GATM: variants seen among roughly 807,000 people sequenced by gnomAD.
GATM encodes glycine amidinotransferase.
Under a neutral mutation model 54.2 loss-of-function variants are expected in GATM, and 23 were observed. The observed-to-expected ratio is 0.42, with a 90% CI of 0.31 to 0.60. The LOEUF (loss-of-function observed/expected upper bound fraction) is 0.60. Among genes scored for constraint, GATM ranks in the 20% least tolerant of loss-of-function variants. GATM has a pLI of 0.14. For synonymous variants in GATM, 168 were observed against 183.1 expected (o/e 0.92, Z 0.67); for missense variants, 401 against 544.9 (o/e 0.74, Z 2.63).
chr15:45,395,936 A>G (rs1407346785), intron 3 of GATM, among the ~76,000 whole-genome samples: 1 of 152,204 alleles, frequency 6.6e-6, no homozygotes, highest in Non-Finnish European at 1.5e-5. Context: ...TTCATTCAAC[A>G]TATCTTGATT....
At chr15:45,377,282 T>A (rs927706093) in intron 1 of GATM, 7 of 458,214 alleles carry the variant, frequency 1.5e-5, no homozygotes, top group African/African-American at 8.0e-5. Context: ...TTATTTATTT[T>A]TTTTTACAAA....
intron 3 of GATM, among the ~76,000 whole-genome samples, chr15:45,391,135 T>C (rs1237414014): frequency 2.0e-5 from 3 of 152,092 alleles, no homozygotes; most frequent in Non-Finnish European, 4.4e-5. Context: ...CTGGGAGCAG[T>C]GGCTCATGCC....
Position 45,376,891 on chromosome 15 carries a change from A to G in GATM, c.70-72T>C, listed in dbSNP as rs1048244905. 5.0e-6 allele frequency: 7 copies of G among 1,402,836 alleles called. No homozygotes were observed. In the East Asian group the frequency reaches 1.5e-4, roughly 30 times the overall value. 86.9% of individuals were successfully genotyped at this position (1,402,836 alleles called of 1,614,324 possible). ...TACTTACAGAGAGGAGGAAGTGGAG[A>G]TGGAGTAAAAATCCAGCATAACATT... On this transcript the variant is annotated intron_variant, in intron 1 of 8. Coordinates refer to ENST00000396659, the MANE Select transcript of GATM (RefSeq NM_001482.3).
chr15:45,375,888 T>C (rs1428052988), intron 2 of GATM, among the ~76,000 whole-genome samples: 2 of 152,020 alleles, frequency 1.3e-5, no homozygotes, highest in Non-Finnish European at 2.9e-5. Context: ...TGCCAGGTGA[T>C]TTGGTGAGAA....
At chr15:45,366,707 T>C (rs1231603821) in intron 4 of GATM, among the ~76,000 whole-genome samples, 199 bp from the exon 5 acceptor site, 2 of 152,208 alleles carry the variant, frequency 1.3e-5, no homozygotes, top group Non-Finnish European at 2.9e-5. Context: ...ACTAGCATTA[T>C]AGTAATTTCC....
Position 45,368,347 on chromosome 15 carries a change from C to T in GATM, c.485-87G>A. On this transcript the variant is annotated intron_variant, in intron 3 of 8. Coordinates refer to ENST00000396659, the MANE Select transcript of GATM (RefSeq NM_001482.3). This position sits in a 1 kb window ranked among gnomAD's most constrained non-coding sequence, Gnocchi z 5.1. ...CTATATAGGGCCAGGCACAGTGGCT[C>T]ATGCCTGTAATCCCACCACTTTGGG... The T allele has an allele frequency of 8.7e-7, 1 of 1,155,450 alleles. No individual in the cohort carries two copies. Among genetic ancestry groups the T allele is most frequent in the Non-Finnish European group, 1.3e-6 (1 of 785,416 alleles). 71.6% of individuals were successfully genotyped at this position (1,155,450 alleles called of 1,614,324 possible).
At chr15:45,366,617 C>T in intron 4 of GATM, 109 bp from the exon 5 acceptor site, 1 of 1,206,774 alleles carries the variant, frequency 8.3e-7, no homozygotes, top group South Asian at 1.3e-5. Context: ...CAAAATATTA[C>T]TACTCAGTTC....
intron 4 of GATM, among the ~76,000 whole-genome samples, chr15:45,366,950 G>A (rs1017407218): frequency 2.0e-5 from 3 of 152,186 alleles, no homozygotes; most frequent in African/African-American, 7.2e-5. Flanking sequence ...ATGTATATAT[G>A]TACAGGAAAA....
upstream of GATM, chr15:45,378,643 G>A (rs899636870): frequency 3.9e-5 from 18 of 456,888 alleles, no homozygotes; most frequent in Admixed American, 5.9e-4. Flanking sequence ...TGGGGCCGGC[G>A]TAGCGCCCCG....
At chr15:45,391,770 A>G (rs150370686) in intron 3 of GATM, among the ~76,000 whole-genome samples, 42 of 152,346 alleles carry the variant, frequency 2.8e-4, no homozygotes, top group African/African-American at 1.0e-3. Context: ...TTCTGGCTTC[A>G]TTGATTGAAT....
At chr15:45,376,442 T>C (rs1361913771) in intron 2 of GATM, among the ~76,000 whole-genome samples, 159 bp downstream of exon 2, 1 of 152,192 alleles carries the variant, frequency 6.6e-6, no homozygotes. Context: ...CAATTATCAT[T>C]GGTGTAAATA....
Position 45,368,687 on chromosome 15 carries a change from G to GTA in GATM, c.485-429_485-428dup, listed in dbSNP as rs1183205612. Among the ~76,000 whole-genome samples the GTA allele has an allele frequency of 4.0e-5, 6 of 150,936 alleles. No homozygotes were observed. The East Asian group carries it at 9.7e-4, about 24-fold the overall frequency. ...AAAAAATTGCTAGAAATACATGTGT[G>GTA]TATATATATATGAAAATAGCAAAAA... On this transcript the variant is annotated intron_variant, in intron 3 of 8. Transcript: ENST00000396659. The surrounding 1 kb of genome is among the most constrained non-coding windows in gnomAD (Gnocchi z 5.1).
chr15:45,378,398 T>A lies in GATM; in HGVS notation c.56A>T (p.Tyr19Phe), dbSNP rs1286036723. The change falls in exon 1 of 9, where the codon TAC (tyrosine) becomes TTC (phenylalanine). Residue 19 changes from tyrosine to phenylalanine, a missense_variant. By Grantham distance (22) the Tyr-to-Phe change is conservative. Transcript: ENST00000396659. Reference protein sequence around the residue: ...GGSRGAEAVHYIGSRLGRTLT... With the variant: ...GGSRGAEAVHFIGSRLGRTLT... Reference sequence around the variant, plus strand: ...TGGCGCACGCACCCGAGATCCGATGTAGTGCACCGCCTCGGCGCCGCGGCT... The same window carrying A: ...TGGCGCACGCACCCGAGATCCGATGAAGTGCACCGCCTCGGCGCCGCGGCT... 2 of 1,513,216 alleles carry A rather than the reference T, an allele frequency of 1.3e-6. No homozygotes were observed. The highest frequency in any genetic ancestry group is 1.4e-5 in the African/African-American group (1 of 69,992). The allele number at this position is 1,513,216 out of a possible 1,614,324, so 93.7% of individuals were successfully genotyped here.
At chr15:45,369,554 C>T in intron 2 of GATM, 33 bp from the exon 3 acceptor site, 1 of 1,590,544 alleles carries the variant, frequency 6.3e-7, no homozygotes, top group African/African-American at 1.3e-5. Flanking sequence ...ACAATACTTA[C>T]AGGAGAAAAA....
At chr15:45,366,272 A>G in intron 5 of GATM, 62 bp from the exon 6 acceptor site, 1 of 1,609,572 alleles carries the variant, frequency 6.2e-7, no homozygotes, top group Admixed American at 1.7e-5. Context: ...GAAAACTAAA[A>G]ATATTCAAGG....
intron 1 of GATM, 137 bp from the exon 2 acceptor site, chr15:45,376,956 T>G: frequency 1.3e-6 from 1 of 773,454 alleles, no homozygotes; most frequent in Non-Finnish European, 2.2e-6. Flanking sequence ...ACCAAGACGT[T>G]AACAGTGTGT....
intron 1 of GATM, 47 bp downstream of exon 1, chr15:45,378,338 A>G (rs1487212042): frequency 6.9e-7 from 1 of 1,444,886 alleles, no homozygotes; most frequent in South Asian, 1.3e-5. Context: ...CGCCCGCAGG[A>G]TCGAGTGAGT....
At chr15:45,371,101 T>C (rs1890565) in intron 2 of GATM, among the ~76,000 whole-genome samples, 48,495 of 152,016 alleles carry the variant, frequency 0.32, 8,839 homozygotes, top group East Asian at 0.83. Context: ...AATGTAAAAA[T>C]CTAGACAGAT....
intron 3 of GATM, among the ~76,000 whole-genome samples, chr15:45,395,323 T>TA (rs1277234356): frequency 6.6e-6 from 1 of 152,194 alleles, no homozygotes; most frequent in Admixed American, 6.5e-5. Context: ...TCAACTCTAA[T>TA]ATACCTTAGG....
Sources: allele counts gnomAD v4.1 joint callset (sites outside exome capture counted in the v4.1 genomes callset), GRCh38; gene constraint gnomAD v4.1.1; non-coding constraint Gnocchi (gnomAD v3.1); transcripts MANE v1.5; gene names NCBI Gene and HGNC (gene_info 2026-07-23, HGNC 2026-07-21).